MEIS2: variants seen among roughly 807,000 people sequenced by gnomAD.
The protein encoded by MEIS2 is Meis homeobox 2, also known as homeobox protein Meis2.
Under a neutral mutation model 58.6 loss-of-function variants are expected in MEIS2, and 9 were observed. The ratio of observed to expected loss-of-function variants is 0.15; its 90% CI spans 0.09 to 0.27. The LOEUF is 0.27. Ranked by LOEUF, MEIS2 falls within the 10% of genes least tolerant of loss-of-function variation. The pLI is 1.00. For missense variants in MEIS2, 427 were observed against 635.0 expected, an observed-to-expected ratio of 0.67 and a Z score of 3.52; for synonymous variants, 221 against 228.4, an observed-to-expected ratio of 0.97 and a Z score of 0.29.
intron 8 of MEIS2, among the ~76,000 whole-genome samples, chr15:36,954,598 A>G (rs1193105838): frequency 6.6e-6 from 1 of 151,944 alleles, no homozygotes; most frequent in Non-Finnish European, 1.5e-5. Context: ...TCTTTCATGG[A>G]CATTTTTTAA....
rs529280385 is a variant in MEIS2 at position 36,890,927 on chromosome 15, A to G, written c.*1246T>C. The G allele has an allele frequency of 6.6e-6, 1 of 152,606 alleles. No individual in the cohort carries two copies. The highest frequency in any genetic ancestry group is 2.1e-4 in the South Asian group (1 of 4,834). 9.5% of individuals were successfully genotyped at this position (152,606 alleles called of 1,614,324 possible). ...TAAAAATTATTGATGAGTTTAAAAT[A>G]TACTCAACTGCTGGGGGGAAAAACC... On this transcript the variant is annotated 3_prime_UTR_variant, in exon 12 of 12. Transcript: ENST00000561208.
At chr15:37,013,523 G>C (rs1595925437) in intron 8 of MEIS2, among the ~76,000 whole-genome samples, 2 of 150,982 alleles carry the variant, frequency 1.3e-5, no homozygotes, top group South Asian at 4.2e-4. Flanking sequence ...AGTCAGCCGA[G>C]GTCACGCCTT....
chr15:36,923,182 A>G (rs925040510), intron 9 of MEIS2, among the ~76,000 whole-genome samples: 6 of 152,330 alleles, frequency 3.9e-5, no homozygotes, highest in African/African-American at 9.6e-5. Context: ...GGTACTTGCA[A>G]TGTCACCTGA....
At chr15:36,992,612 C>G (rs758316746) in intron 8 of MEIS2, among the ~76,000 whole-genome samples, 54 of 152,040 alleles carry the variant, frequency 3.6e-4, no homozygotes, top group Non-Finnish European at 7.1e-4. Context: ...GTTCTCTCAT[C>G]GAATCTAGGG....
intron 9 of MEIS2, among the ~76,000 whole-genome samples, chr15:36,926,760 T>C (rs1595739886): frequency 6.6e-6 from 1 of 152,200 alleles, no homozygotes; most frequent in South Asian, 2.1e-4. Flanking sequence ...GCAATTTACA[T>C]CCTTTCTCTC....
chr15:36,897,116 G>A (rs770518753), intron 9 of MEIS2: 16 of 170,700 alleles, frequency 9.4e-5, no homozygotes, highest in Non-Finnish European at 1.9e-4. Flanking sequence ...ACAAGGTATT[G>A]TTAGGTCAGC....
chr15:37,085,010 C>G (rs973900545), intron 6 of MEIS2, among the ~76,000 whole-genome samples: 1 of 152,002 alleles, frequency 6.6e-6, no homozygotes, highest in Non-Finnish European at 1.5e-5. Flanking sequence ...TTCCTCAAAA[C>G]CAATCAAAGT....
At chr15:37,043,002 T>C (rs993984022) in intron 7 of MEIS2, among the ~76,000 whole-genome samples, 2 of 152,362 alleles carry the variant, frequency 1.3e-5, no homozygotes, top group African/African-American at 4.8e-5. Context: ...TCACATCCTT[T>C]AAAGTCACTT....
At chr15:37,031,421 A>ATATGTGTG (rs1555455655) in intron 8 of MEIS2, among the ~76,000 whole-genome samples, 2 of 146,844 alleles carry the variant, frequency 1.4e-5, no homozygotes, top group Non-Finnish European at 3.0e-5. Context: ...TCCCTTGCAT[A>ATATGTGTG]TGTGTGTGTG....
intron 9 of MEIS2, among the ~76,000 whole-genome samples, chr15:36,939,108 C>A (rs755418467): frequency 6.6e-6 from 1 of 152,178 alleles, no homozygotes; most frequent in Non-Finnish European, 1.5e-5. Flanking sequence ...ACTACTAAAA[C>A]AGTTCTTCCT....
At chr15:36,931,834 T>A (rs2057990954) in intron 9 of MEIS2, among the ~76,000 whole-genome samples, 1 of 152,192 alleles carries the variant, frequency 6.6e-6, no homozygotes, top group Non-Finnish European at 1.5e-5. Context: ...TAATACTACA[T>A]TAGTGTCGCT....
At chr15:36,984,998 A>C (rs2060048813) in intron 8 of MEIS2, among the ~76,000 whole-genome samples, 1 of 151,964 alleles carries the variant, frequency 6.6e-6, no homozygotes, top group South Asian at 2.1e-4. Flanking sequence ...AAGGTTTGTC[A>C]ATTTTGTTCC....
intron 7 of MEIS2, among the ~76,000 whole-genome samples, chr15:37,064,522 G>A (rs1889667030): frequency 6.6e-6 from 1 of 152,142 alleles, no homozygotes; most frequent in African/African-American, 2.4e-5. Flanking sequence ...CACAGGCAAA[G>A]TGAATTGATT....
intron 8 of MEIS2, among the ~76,000 whole-genome samples, chr15:36,968,519 G>C (rs549669056): frequency 5.9e-5 from 9 of 152,148 alleles, no homozygotes; most frequent in African/African-American, 2.2e-4. Flanking sequence ...GCGAGGCCTG[G>C]GAAGAGATTG....
rs1247869656 is a variant in MEIS2 at position 37,096,493 on chromosome 15, G to T, written c.246-63C>A. 4 of 1,570,096 alleles carry T rather than the reference G, an allele frequency of 2.5e-6. No homozygotes were observed. The African/African-American group carries it at 5.4e-5, about 21-fold the overall frequency. Reference sequence around the variant, plus strand: ...ACGGGGTGCAGAGGGGAAGGAGCAAGAACTGTAATCAACAAGTTTGGAGGG... The same window carrying T: ...ACGGGGTGCAGAGGGGAAGGAGCAATAACTGTAATCAACAAGTTTGGAGGG... On this transcript the variant is annotated intron_variant, in intron 2 of 11. Transcript: ENST00000561208.
intron 8 of MEIS2, among the ~76,000 whole-genome samples, chr15:36,992,524 A>T (rs978362939): frequency 6.6e-6 from 1 of 152,180 alleles, no homozygotes; most frequent in African/African-American, 2.4e-5. Flanking sequence ...TTTCTAAAAG[A>T]TCTCATTGTC....
chr15:36,910,173 TCCA>T (rs1464147921), intron 9 of MEIS2, among the ~76,000 whole-genome samples: 1 of 152,046 alleles, frequency 6.6e-6, no homozygotes, highest in Non-Finnish European at 1.5e-5. Context: ...GCCACTCCAC[TCCA>T]GTCTGGGCAA....
intron 6 of MEIS2, among the ~76,000 whole-genome samples, chr15:37,090,649 C>G (rs1893400866): frequency 6.6e-6 from 1 of 151,868 alleles, no homozygotes; most frequent in Non-Finnish European, 1.5e-5. Context: ...CTTGCATGTT[C>G]CTTCCTTAAA....
chr15:36,961,429 A>G (rs1482909657), intron 8 of MEIS2, among the ~76,000 whole-genome samples: 2 of 152,144 alleles, frequency 1.3e-5, no homozygotes, highest in Non-Finnish European at 2.9e-5. Context: ...TTAAATACTA[A>G]AATATCAAAC....
Sources: allele counts gnomAD v4.1 joint callset (sites outside exome capture counted in the v4.1 genomes callset), GRCh38; gene constraint gnomAD v4.1.1; transcripts MANE v1.5; gene names NCBI Gene and HGNC (gene_info 2026-07-23, HGNC 2026-07-21).